The following ACTR8 variants were observed in gnomAD, a reference collection of about 807,000 sequenced individuals.
ACTR8 encodes the protein actin related protein 8, also known as actin-related protein 8.
Under a neutral mutation model 84.3 loss-of-function variants are expected in ACTR8, and 70 were observed. The ratio of observed to expected loss-of-function variants is 0.83; its 90% CI spans 0.68 to 1.01. The LOEUF is 1.01. ACTR8 is among the 50% of genes least tolerant of loss of function. The pLI, the probability that ACTR8 is intolerant of heterozygous loss-of-function variation, is 0.00. For missense variants in ACTR8, 672 were observed against 775.4 expected (o/e 0.87, Z 1.58); for synonymous variants, 268 against 275.2 (o/e 0.97, Z 0.26).
rs534961143 is a variant in ACTR8, at chr3:53,874,113, C to T, written c.1065+98G>A. 1.5e-5 allele frequency: 20 copies of T among 1,334,832 alleles called. No individual in the cohort carries two copies. The Admixed American group carries it at 2.4e-4, about 16-fold the overall frequency. The allele number at this position is 1,334,832 out of a possible 1,614,324, so 82.7% of individuals were successfully genotyped here. A position where few individuals can be genotyped will look rare whatever the true frequency, so the allele number is the denominator to read the frequency against. On this transcript the variant is annotated intron_variant, in intron 8 of 12. Coordinates refer to ENST00000335754, the MANE Select transcript of ACTR8 (RefSeq NM_022899.5). Reference sequence around the variant, plus strand: ...TGCTGGGATTACAGGCATGAGCCACCGTGCCCAGCCAATGCTGTTACATTT... The same window carrying T: ...TGCTGGGATTACAGGCATGAGCCACTGTGCCCAGCCAATGCTGTTACATTT...
In ACTR8 at chr3:53,879,871, T is replaced by C. The variant is rs1700032119; in HGVS notation, c.294+68A>G. Reference sequence around the variant, plus strand: ...TGAAGATGTTTCTTTAAGATTCTGGTGTACTTGTGTCTAAGCCCTCCCAGG... The same window carrying C: ...TGAAGATGTTTCTTTAAGATTCTGGCGTACTTGTGTCTAAGCCCTCCCAGG... On this transcript the variant is annotated intron_variant, in intron 2 of 12. Coordinates refer to ENST00000335754, the MANE Select transcript of ACTR8 (RefSeq NM_022899.5). 2.9e-6 allele frequency: 4 copies of C among 1,396,310 alleles called. No individual in the cohort carries two copies. The African/African-American group carries it at 4.3e-5, about 15-fold the overall frequency. 86.5% of individuals were successfully genotyped at this position (1,396,310 alleles called of 1,614,324 possible).
intron 5 of ACTR8, 123 bp downstream of exon 5, chr3:53,877,091 T>C: frequency 1.1e-6 from 1 of 907,330 alleles, no homozygotes; most frequent in South Asian, 2.7e-5. Context: ...CCACCAAGAA[T>C]CCTCACCCTG....
At chr3:53,881,851 C>T (rs959184076) in intron 1 of ACTR8, 128 bp downstream of exon 1, 448 of 1,402,662 alleles carry the variant, frequency 3.2e-4, no homozygotes, top group Admixed American at 4.4e-4. Context: ...ACGACCGCTT[C>T]CGCACTCCCC....
intron 3 of ACTR8, 83 bp from the exon 4 acceptor site, chr3:53,877,834 A>G (rs1349935611): frequency 3.5e-6 from 4 of 1,142,008 alleles, no homozygotes; most frequent in Non-Finnish European, 5.0e-6. Context: ...TCTCTCTCAC[A>G]TACTAGACAC....
chr3:53,865,708 A>G (rs1699761391), downstream of ACTR8: 1 of 158,180 alleles, frequency 6.3e-6, no homozygotes, highest in South Asian at 2.0e-4. Context: ...TTCACTCAAT[A>G]GCATCTTAAG....
At chr3:53,865,357 T>A (rs1287971709), downstream of ACTR8, 10 of 1,440,096 alleles carry the variant, frequency 6.9e-6, no homozygotes, top group Admixed American at 6.4e-5. Context: ...TCCCACCAAT[T>A]ACAGGGAAAA....
At chr3:53,859,266 C>T in the ACTR8 span, 1 of 153,898 alleles carries the variant, frequency 6.5e-6, no homozygotes, top group Non-Finnish European at 1.4e-5. Context: ...ATGGTACCGC[C>T]TCACTAGTGC....
chr3:53,877,373 A>G lies in ACTR8; in HGVS notation c.525T>C (p.Asn175=), dbSNP rs145274436. 50 of 1,605,400 alleles carry G rather than the reference A, an allele frequency of 3.1e-5. No individual in the cohort carries two copies. In the African/African-American group the frequency reaches 6.6e-4, roughly 21 times the overall value. ...YLVGEEALYV[N]PLDCYNIHWP... ...AGTGAATATTGTAACAGTCCAGTGG[A>G]TTAACATACAAGGCCTAGAAAAGGA... The change falls in exon 5 of 13, where the codon AAT becomes AAC. Residue 175 remains asparagine, a synonymous_variant. Transcript: ENST00000335754.
At chr3:53,871,568 T>C in intron 10 of ACTR8, 72 bp from the exon 11 acceptor site, 1 of 1,544,628 alleles carries the variant, frequency 6.5e-7, no homozygotes, top group South Asian at 1.2e-5. Context: ...TCTAGCTAGA[T>C]CCCTCCCTAC....
At chr3:53,876,380 A>G (rs1484538016) in intron 6 of ACTR8, among the ~76,000 whole-genome samples, 1 of 152,090 alleles carries the variant, frequency 6.6e-6, no homozygotes, top group East Asian at 1.9e-4. Flanking sequence ...TTAGCTGGGC[A>G]TGGTGGCGGG....
downstream of ACTR8, chr3:53,864,758 A>C (rs138203118): frequency 4.8e-4 from 779 of 1,607,248 alleles, no homozygotes; most frequent in Non-Finnish European, 6.4e-4. Context: ...AGGATCAAGA[A>C]GACTTCCTTT....
chr3:53,871,930 T>C (rs2107055331), intron 10 of ACTR8, among the ~76,000 whole-genome samples: 1 of 152,314 alleles, frequency 6.6e-6, no homozygotes, highest in Non-Finnish European at 1.5e-5. Context: ...CTAGTCTCCA[T>C]CATGAGCTGG....
At chr3:53,878,489 A>G (rs768235081) in intron 2 of ACTR8, 22 bp from the exon 3 acceptor site, 51 of 1,405,640 alleles carry the variant, frequency 3.6e-5, no homozygotes, top group Middle Eastern at 1.8e-4. Flanking sequence ...ATGAAAGATG[A>G]GCAGTACAAA....
At chr3:53,865,107 C>T (rs943395873), downstream of ACTR8, 1 of 1,614,146 alleles carries the variant, frequency 6.2e-7, no homozygotes, top group Non-Finnish European at 8.5e-7. Context: ...ATCTAAGAAG[C>T]CAGATTCATC....
chr3:53,859,988 C>A, the ACTR8 span: 1 of 600,450 alleles, frequency 1.7e-6, no homozygotes, highest in South Asian at 2.4e-5. Context: ...CCAGCCTAGG[C>A]AACAAAGCGA....
Position 53,870,112 on chromosome 3 carries a change from G to A in ACTR8, c.1601C>T (p.Ser534Phe). The part of the protein sequence containing the change: ...SDDTKKKMYS[S>F]ILVVGGGLMF... ...CAAACCACCTCCCACCACTAGGATG[G>A]AGCTGTACATCTTCTTTTTGGTGTC... The change falls in exon 12 of 13, where the codon TCC (serine) becomes TTC (phenylalanine). Residue 534 changes from serine to phenylalanine, a missense_variant. Transcript: ENST00000335754. The surrounding 1 kb of genome is among the most constrained non-coding windows in gnomAD (Gnocchi z 4.1). 1 of 1,614,056 alleles carries A rather than the reference G, an allele frequency of 6.2e-7. No individual in the cohort carries two copies. The highest frequency in any genetic ancestry group is 8.5e-7 in the Non-Finnish European group (1 of 1,179,936).
At chr3:53,865,439 T>C (rs1453260560), downstream of ACTR8, 2 of 662,164 alleles carry the variant, frequency 3.0e-6, no homozygotes, top group Non-Finnish European at 4.8e-6. Context: ...TTTATACCAA[T>C]AAAATTTTCA....
At chr3:53,871,211 G>A (rs199774315) in intron 11 of ACTR8, 21 bp downstream of exon 11, 43 of 1,599,006 alleles carry the variant, frequency 2.7e-5, no homozygotes, top group Non-Finnish European at 3.5e-5. Context: ...GCTATCTCCC[G>A]GTCTCCCCAG....
At chr3:53,879,828 T>TA in intron 2 of ACTR8, 111 bp downstream of exon 2, 4 of 1,144,302 alleles carry the variant, frequency 3.5e-6, no homozygotes, top group Non-Finnish European at 3.6e-6. Flanking sequence ...ATTAATGTTT[T>TA]AAAACACAGC....
Sources: allele counts gnomAD v4.1 joint callset (sites outside exome capture counted in the v4.1 genomes callset), GRCh38; gene constraint gnomAD v4.1.1; non-coding constraint Gnocchi (gnomAD v3.1); transcripts MANE v1.5; gene names NCBI Gene and HGNC (gene_info 2026-07-23, HGNC 2026-07-21).